TTL: variants seen among roughly 807,000 people sequenced by gnomAD.
The protein encoded by TTL is tubulin tyrosine ligase, also known as tubulin--tyrosine ligase.
A neutral mutation model predicts 41.1 loss-of-function variants in TTL; 10 were observed. The ratio of observed to expected loss-of-function variants is 0.24; its 90% CI spans 0.15 to 0.41. The LOEUF (loss-of-function observed/expected upper bound fraction) is 0.41. TTL is among the 10% of genes least tolerant of loss of function. TTL has a pLI of 1.00. For synonymous variants in TTL, 175 were observed against 175.5 expected (o/e 1.00, Z 0.02); for missense variants, 367 against 460.4 (o/e 0.80, Z 1.86).
intron 6 of TTL, chr2:112,520,775 A>C (rs1682204000): frequency 4.6e-6 from 1 of 218,136 alleles, no homozygotes; most frequent in Non-Finnish European, 9.5e-6. Flanking sequence ...GAAATTAGTC[A>C]GGCATGGTGC....
chr2:112,510,937 T>G (rs1681904832), intron 5 of TTL, among the ~76,000 whole-genome samples: 1 of 152,228 alleles, frequency 6.6e-6, no homozygotes, highest in Non-Finnish European at 1.5e-5. Flanking sequence ...TAAGGTTTGT[T>G]CCATAGCCCA....
At chr2:112,484,464 C>G (rs369200276) in intron 1 of TTL, among the ~76,000 whole-genome samples, 2 of 151,744 alleles carry the variant, frequency 1.3e-5, no homozygotes, top group African/African-American at 2.4e-5. Flanking sequence ...AAGGTTTTGC[C>G]GTGTTGGTCA....
chr2:112,494,080 T>C, intron 2 of TTL, 63 bp from the exon 3 acceptor site: 2 of 1,369,266 alleles, frequency 1.5e-6, no homozygotes, highest in Admixed American at 3.9e-5. Flanking sequence ...AGGAGTGGCC[T>C]TTCTGAAGGG....
At chr2:112,524,939 C>G (rs1186387427) in intron 6 of TTL, among the ~76,000 whole-genome samples, 4 of 152,162 alleles carry the variant, frequency 2.6e-5, no homozygotes, top group Non-Finnish European at 5.9e-5. Flanking sequence ...ACATTTAAGT[C>G]ATTAATGCGT....
chr2:112,519,917 G>C (rs898358016), intron 5 of TTL, among the ~76,000 whole-genome samples: 1 of 151,978 alleles, frequency 6.6e-6, no homozygotes, highest in Admixed American at 6.6e-5. Flanking sequence ...GATCACCTGA[G>C]GTCGGGAGTT....
Position 112,529,033 on chromosome 2 carries a change from C to A in TTL, c.*238C>A, listed in dbSNP as rs1682439322. On this transcript the variant is annotated 3_prime_UTR_variant, in exon 7 of 7. Transcript: ENST00000233336. Reference sequence around the variant, plus strand: ...GAGACTTTTGAAAACAACTTTGGTACACAAAGGCAGCTTTGTGAGCAGAGC... The same window carrying A: ...GAGACTTTTGAAAACAACTTTGGTAAACAAAGGCAGCTTTGTGAGCAGAGC... 1.1e-5 allele frequency: 6 copies of A among 553,784 alleles called. No individual in the cohort carries two copies. The highest frequency in any genetic ancestry group is 1.9e-5 in the Non-Finnish European group (6 of 308,338). 34.3% of individuals were successfully genotyped at this position (553,784 alleles called of 1,614,324 possible). A position where few individuals can be genotyped will look rare whatever the true frequency, so the allele number is the denominator to read the frequency against.
intron 4 of TTL, among the ~76,000 whole-genome samples, 167 bp downstream of exon 4, chr2:112,501,508 AT>A (rs982828819): frequency 6.6e-6 from 1 of 151,348 alleles, no homozygotes; most frequent in Non-Finnish European, 1.5e-5. Context: ...CTAATTTTCT[AT>A]TTTTCTTTCT....
chr2:112,503,257 GT>G, intron 5 of TTL, 76 bp downstream of exon 5: 1 of 1,317,210 alleles, frequency 7.6e-7, no homozygotes, highest in Non-Finnish European at 1.0e-6. Context: ...TCAAAGAATT[GT>G]TTCATATAAG....
At chr2:112,510,494 A>G (rs1681893378) in intron 5 of TTL, among the ~76,000 whole-genome samples, 1 of 151,230 alleles carries the variant, frequency 6.6e-6, no homozygotes, top group African/African-American at 2.4e-5. Context: ...TTTTTGAGAT[A>G]GAATTTTGTT....
In TTL at chr2:112,530,600, C is replaced by G; in HGVS notation, c.*1805C>G. ...GTAGGGTTCTGGGTCCCTGGCAAGT[C>G]TAGGTGGGCGGGTGACAGGGAAAGC... is the stretch of plus-strand genomic sequence containing the variant. On this transcript the variant is annotated 3_prime_UTR_variant, in exon 7 of 7. Transcript: ENST00000233336. The G allele has an allele frequency of 4.4e-6, 1 of 227,488 alleles. No individual in the cohort carries two copies. Among genetic ancestry groups the G allele is most frequent in the East Asian group, 6.3e-5 (1 of 15,936 alleles). The allele number at this position is 227,488 out of a possible 1,614,324, so 14.1% of individuals were successfully genotyped here. A position where few individuals can be genotyped will look rare whatever the true frequency, so the allele number is the denominator to read the frequency against.
rs186950923 is a variant in TTL, at chr2:112,516,629, G to T, written c.876-3653G>T. On this transcript the variant is annotated intron_variant, in intron 5 of 6. Transcript: ENST00000233336. Reference sequence around the variant, plus strand: ...GTGGAGGTTGCAGTGAGCCAAGATCGCATCACTGCACTCCAGCCTGAGCAA... The same window carrying T: ...GTGGAGGTTGCAGTGAGCCAAGATCTCATCACTGCACTCCAGCCTGAGCAA... 4.2e-3 allele frequency among the ~76,000 whole-genome samples: 645 copies of T among 152,182 alleles called. 8 individuals carry two copies. The highest frequency in any genetic ancestry group is 0.01 in the Middle Eastern group (3 of 294).
chr2:112,491,644 C>T (rs1430964431), intron 2 of TTL, among the ~76,000 whole-genome samples: 3 of 152,070 alleles, frequency 2.0e-5, no homozygotes, highest in Non-Finnish European at 4.4e-5. Context: ...AAATTATAAA[C>T]CCAGACTCTG....
chr2:112,486,906 G>C (rs1681253458), intron 2 of TTL, among the ~76,000 whole-genome samples: 2 of 152,228 alleles, frequency 1.3e-5, no homozygotes, highest in African/African-American at 4.8e-5. Context: ...TTGTTATGAG[G>C]ATTAATTGAG....
chr2:112,513,388 C>G (rs1681978445), intron 5 of TTL, among the ~76,000 whole-genome samples: 1 of 151,850 alleles, frequency 6.6e-6, no homozygotes, highest in Non-Finnish European at 1.5e-5. Flanking sequence ...TTAAGCATTT[C>G]TTTTAGAGTT....
At chr2:112,502,480 T>C (rs1224723556) in intron 4 of TTL, among the ~76,000 whole-genome samples, 1 of 151,684 alleles carries the variant, frequency 6.6e-6, no homozygotes, top group East Asian at 1.9e-4. Context: ...CTACAAAAAA[T>C]ACAAAAATCA....
At chr2:112,525,112 A>G (rs1477115095) in intron 6 of TTL, among the ~76,000 whole-genome samples, 2 of 152,042 alleles carry the variant, frequency 1.3e-5, no homozygotes, top group South Asian at 2.1e-4. Flanking sequence ...GATGTGTGAC[A>G]TTATTTCTGA....
At chr2:112,515,183 A>G (rs1428252798) in intron 5 of TTL, among the ~76,000 whole-genome samples, 4 of 152,232 alleles carry the variant, frequency 2.6e-5, no homozygotes, top group African/African-American at 9.6e-5. Context: ...TCCAAAATCT[A>G]GATTACCCAT....
chr2:112,495,863 C>G (rs1681509927), intron 3 of TTL, among the ~76,000 whole-genome samples: 1 of 152,024 alleles, frequency 6.6e-6, no homozygotes, highest in African/African-American at 2.4e-5. Context: ...AAAACCATTC[C>G]ATTTTGAACT....
At position 112,532,083 on chromosome 2, in the gene TTL, G is replaced by A; in HGVS notation, c.*3288G>A. The A allele has an allele frequency of 4.4e-6, 1 of 227,178 alleles. No homozygotes were observed. The highest frequency in any genetic ancestry group is 6.3e-5 in the East Asian group (1 of 15,772). 14.1% of individuals were successfully genotyped at this position (227,178 alleles called of 1,614,324 possible). ...GTGTCACTAGCTCTGTGGGATGATT[G>A]CCACATACATGGAACACCTGGGAGT... On this transcript the variant is annotated 3_prime_UTR_variant, in exon 7 of 7. Coordinates refer to ENST00000233336, the MANE Select transcript of TTL (RefSeq NM_153712.5).
Sources: gnomAD v4.1 joint callset for allele counts (sites outside exome capture counted in the v4.1 genomes callset) on GRCh38, gnomAD v4.1.1 for gene constraint, MANE v1.5 for transcripts, NCBI Gene and HGNC (gene_info 2026-07-23, HGNC 2026-07-21) for gene names.